The following USP12 variants were observed in gnomAD, a reference collection of about 807,000 sequenced individuals.
USP12 encodes the protein ubiquitin specific peptidase 12, also known as ubiquitin carboxyl-terminal hydrolase 12.
USP12 carries 19 observed loss-of-function variants against 45.5 expected under a neutral mutation model. The ratio of observed to expected loss-of-function variants is 0.42; its 90% CI spans 0.29 to 0.61. The LOEUF (loss-of-function observed/expected upper bound fraction) is 0.61, where lower values mean the gene tolerates loss of function less well. Among genes scored for constraint, USP12 ranks in the 20% least tolerant of loss-of-function variants. The pLI, the probability that USP12 is intolerant of heterozygous loss-of-function variation, is 0.22. For synonymous variants in USP12, 149 were observed against 148.8 expected, an observed-to-expected ratio of 1.00 and a Z score of -0.01; for missense variants, 242 against 447.7, an observed-to-expected ratio of 0.54 and a Z score of 4.15.
chr13:27,171,545 G>A (rs1878620368), intron 1 of USP12, 47 bp downstream of exon 1: 1 of 1,135,352 alleles, frequency 8.8e-7, no homozygotes, highest in Non-Finnish European at 1.1e-6. Context: ...CCGCCCGCCC[G>A]CCCGAGAGGT....
chr13:27,118,422 T>C (rs1371615812), intron 1 of USP12, among the ~76,000 whole-genome samples: 4 of 152,160 alleles, frequency 2.6e-5, no homozygotes, highest in South Asian at 2.1e-4. Flanking sequence ...TTAATAGATA[T>C]CATTTATTTC....
rs551619132 is a variant in USP12, at chr13:27,144,844, A to C, written c.48+26748T>G. On this transcript the variant is annotated intron_variant, in intron 1 of 8. Coordinates refer to ENST00000282344, the MANE Select transcript of USP12 (RefSeq NM_182488.4). The stretch of plus-strand genomic sequence containing the variant: ...GGAGGTCGAAACAGGCAGATCCTTT[A>C]AGCCCAGGAGTTCGAGACCAGCCCG... Among the ~76,000 whole-genome samples the C allele has an allele frequency of 2.6e-5, 4 of 151,484 alleles. No individual in the cohort carries two copies. In the East Asian group the frequency reaches 7.8e-4, roughly 29 times the overall value.
intron 7 of USP12, among the ~76,000 whole-genome samples, chr13:27,072,830 T>C (rs975355416): frequency 6.6e-6 from 1 of 152,116 alleles, no homozygotes; most frequent in East Asian, 1.9e-4. Context: ...AGGAGCAAGC[T>C]GAACTGGAAC....
intron 1 of USP12, among the ~76,000 whole-genome samples, chr13:27,138,079 G>A (rs150914003): frequency 7.5e-4 from 114 of 152,324 alleles, no homozygotes; most frequent in African/African-American, 2.5e-3. Flanking sequence ...TGTGACCTGA[G>A]CCCTGGCCAG....
intron 3 of USP12, among the ~76,000 whole-genome samples, 161 bp from the exon 4 acceptor site, chr13:27,095,991 C>G (rs1874563854): frequency 6.6e-6 from 1 of 152,088 alleles, no homozygotes; most frequent in South Asian, 2.1e-4. Flanking sequence ...AAACTTTTAT[C>G]TGTATTTGGG....
At chr13:27,097,802 C>A (rs1874660756) in intron 3 of USP12, among the ~76,000 whole-genome samples, 1 of 152,168 alleles carries the variant, frequency 6.6e-6, no homozygotes, top group Non-Finnish European at 1.5e-5. Flanking sequence ...AATATCACTA[C>A]ATGTTGAATA....
At chr13:27,069,443 T>A in intron 8 of USP12, 59 bp from the exon 9 acceptor site, 1 of 1,280,414 alleles carries the variant, frequency 7.8e-7, no homozygotes, top group Non-Finnish European at 1.1e-6. Flanking sequence ...CAGAATGGCT[T>A]AAATTTAAAA....
intron 1 of USP12, chr13:27,117,809 A>G (rs1028483726): frequency 1.9e-6 from 1 of 518,322 alleles, no homozygotes. Flanking sequence ...GAACGTGATC[A>G]ACTCAATTCT....
At chr13:27,135,269 C>T (rs1311677695) in intron 1 of USP12, among the ~76,000 whole-genome samples, 3 of 152,128 alleles carry the variant, frequency 2.0e-5, no homozygotes, top group African/African-American at 7.2e-5. Flanking sequence ...AAGCCTGTCT[C>T]AGATAAATAA....
At position 27,109,361 on chromosome 13, in the gene USP12, C is replaced by T. The variant is rs75528984; in HGVS notation, c.130-3417G>A. 5.4e-3 allele frequency among the ~76,000 whole-genome samples: 823 copies of T among 152,264 alleles called. 4 individuals are homozygous for T. Among genetic ancestry groups the T allele is most frequent in the Non-Finnish European group, 8.7e-3 (594 of 68,026 alleles). ...TCCTATGAAGTATTCTTGCCTTAAGCAAAATCACTAAACTTTAATCAAGTC... is the reference window on the plus strand; with the variant it reads ...TCCTATGAAGTATTCTTGCCTTAAGTAAAATCACTAAACTTTAATCAAGTC... On this transcript the variant is annotated intron_variant, in intron 2 of 8. Transcript: ENST00000282344.
In USP12 at chr13:27,135,914, T is replaced by TG. The variant is rs528895977; in HGVS notation, c.49-19319dup. 6.6e-4 allele frequency among the ~76,000 whole-genome samples: 101 copies of TG among 152,218 alleles called. 1 individual carries two copies. The highest frequency in any genetic ancestry group is 6.8e-3 in the Middle Eastern group (2 of 294). On this transcript the variant is annotated intron_variant, in intron 1 of 8. Transcript: ENST00000282344. ...TTAAAATATCCCATCCCAAAACACA[T>TG]GAACTTTGTTTTAACAGGGCTCATT...
At position 27,090,234 on chromosome 13, in the gene USP12, C is replaced by T. The variant is rs1593178714; in HGVS notation, c.574-76G>A. Reference sequence around the variant, plus strand: ...AGTTCCCAATTAACAGAATTAAATGCCATTCTATTATTATCAGTAAGTAAA... The same window carrying T: ...AGTTCCCAATTAACAGAATTAAATGTCATTCTATTATTATCAGTAAGTAAA... On this transcript the variant is annotated intron_variant, in intron 4 of 8. Coordinates refer to ENST00000282344, the MANE Select transcript of USP12 (RefSeq NM_182488.4). The T allele has an allele frequency of 9.4e-6, 11 of 1,175,294 alleles. No homozygotes were observed. In the South Asian group the frequency reaches 1.1e-4, roughly 11 times the overall value. 72.8% of individuals were successfully genotyped at this position (1,175,294 alleles called of 1,614,324 possible).
At chr13:27,165,843 A>G (rs1255752313) in intron 1 of USP12, among the ~76,000 whole-genome samples, 1 of 152,120 alleles carries the variant, frequency 6.6e-6, no homozygotes, top group African/African-American at 2.4e-5. Context: ...TTGCTTAATT[A>G]TGTCTGATTC....
At chr13:27,116,068 T>C (rs1285761436) in intron 2 of USP12, among the ~76,000 whole-genome samples, 1 of 151,928 alleles carries the variant, frequency 6.6e-6, no homozygotes, top group Non-Finnish European at 1.5e-5. Context: ...ATCCCAGCAC[T>C]TTAGGAGGCT....
At chr13:27,127,069 A>G (rs1474800832) in intron 1 of USP12, among the ~76,000 whole-genome samples, 2 of 152,316 alleles carry the variant, frequency 1.3e-5, no homozygotes, top group South Asian at 2.1e-4. Flanking sequence ...TCATCCTAAG[A>G]GTCTTGGTCT....
chr13:27,100,972 T>C (rs1257615645), intron 3 of USP12, among the ~76,000 whole-genome samples: 3 of 152,222 alleles, frequency 2.0e-5, no homozygotes, highest in Non-Finnish European at 2.9e-5. Flanking sequence ...CATATACATG[T>C]TTTTCAAAAT....
At chr13:27,105,307 C>T (rs1875080095) in intron 3 of USP12, among the ~76,000 whole-genome samples, 1 of 151,890 alleles carries the variant, frequency 6.6e-6, no homozygotes, top group African/African-American at 2.4e-5. Flanking sequence ...TTTTTCACGG[C>T]TAAAATGGGG....
At chr13:27,080,007 G>A (rs1302124994) in intron 6 of USP12, among the ~76,000 whole-genome samples, 2 of 152,204 alleles carry the variant, frequency 1.3e-5, no homozygotes, top group East Asian at 3.8e-4. Context: ...GCAATGAGAG[G>A]ACATTTAGGC....
At chr13:27,108,154 C>CT (rs1875235800) in intron 2 of USP12, among the ~76,000 whole-genome samples, 1 of 150,024 alleles carries the variant, frequency 6.7e-6, no homozygotes, top group South Asian at 2.1e-4. Context: ...CAATGATAGA[C>CT]TGGATTAAGA....
Sources: gnomAD v4.1 joint callset for allele counts (sites outside exome capture counted in the v4.1 genomes callset) on GRCh38, gnomAD v4.1.1 for gene constraint, MANE v1.5 for transcripts, NCBI Gene and HGNC (gene_info 2026-07-23, HGNC 2026-07-21) for gene names.